GAB2: variants seen among roughly 807,000 people sequenced by gnomAD.
GAB2 encodes GRB2-associated-binding protein 2.
In GAB2, 26 loss-of-function variants were observed where a neutral mutation model predicts 65.5. That is an observed-to-expected ratio of 0.40 (90% CI 0.29 to 0.55). The LOEUF is 0.55. GAB2 is among the 20% of genes least tolerant of loss of function. The pLI, the probability that GAB2 is intolerant of heterozygous loss-of-function variation, is 0.53. For missense variants in GAB2, 884 were observed against 875.8 expected (o/e 1.01, Z -0.12); for synonymous variants, 321 against 329.6 (o/e 0.97, Z 0.28).
rs977171624 is a variant in GAB2 at position 78,342,442 on chromosome 11, C to T, written c.76-61541G>A. ...TTTTTTTTTTTGAGACGGAGTCTCG[C>T]TTTGTCGCCCAGGCTGGAGTGCAGT... On this transcript the variant is annotated intron_variant, in intron 1 of 9. Transcript: ENST00000361507. Among the ~76,000 whole-genome samples the T allele has an allele frequency of 2.9e-5, 4 of 139,520 alleles. No homozygotes were observed. In the South Asian group the frequency reaches 9.2e-4, roughly 32 times the overall value. 91.5% of individuals were successfully genotyped at this position (139,520 alleles called of 152,430 possible). A position where few individuals can be genotyped will look rare whatever the true frequency, so the allele number is the denominator to read the frequency against.
chr11:78,269,258 G>C (rs763961912), intron 2 of GAB2, among the ~76,000 whole-genome samples: 13 of 152,100 alleles, frequency 8.5e-5, no homozygotes, highest in Non-Finnish European at 1.3e-4. Flanking sequence ...TTTGCTTTTG[G>C]CTTCCAACAA....
At chr11:78,263,591 C>T (rs1362061521) in intron 2 of GAB2, among the ~76,000 whole-genome samples, 2 of 150,042 alleles carry the variant, frequency 1.3e-5, no homozygotes, top group Admixed American at 1.3e-4. Context: ...CGAGATCGCG[C>T]CACTGCACTC....
intron 1 of GAB2, among the ~76,000 whole-genome samples, chr11:78,337,611 TAGA>T (rs1483949834): frequency 5.9e-5 from 9 of 152,212 alleles, no homozygotes; most frequent in Non-Finnish European, 8.8e-5. Flanking sequence ...TCTTCCCTCA[TAGA>T]AGAAGAAAGC....
At chr11:78,391,480 C>G (rs1856833153) in intron 1 of GAB2, among the ~76,000 whole-genome samples, 1 of 152,130 alleles carries the variant, frequency 6.6e-6, no homozygotes, top group Non-Finnish European at 1.5e-5. Flanking sequence ...TAAAAAAGGC[C>G]ATGACATCTT....
chr11:78,391,879 G>C (rs1856837800), intron 1 of GAB2, among the ~76,000 whole-genome samples: 1 of 152,190 alleles, frequency 6.6e-6, no homozygotes, highest in Non-Finnish European at 1.5e-5. Context: ...CATGACCAAA[G>C]ATGTATCGTG....
intron 1 of GAB2, among the ~76,000 whole-genome samples, chr11:78,359,378 G>C (rs1024863115): frequency 6.6e-6 from 1 of 152,182 alleles, no homozygotes; most frequent in Non-Finnish European, 1.5e-5. Context: ...TAGACTATCA[G>C]CTAACTCCTG....
chr11:78,382,368 C>G (rs990525439), intron 1 of GAB2, among the ~76,000 whole-genome samples: 6 of 151,146 alleles, frequency 4.0e-5, no homozygotes, highest in African/African-American at 1.5e-4. Context: ...GAGCAATATT[C>G]TTTTTTTTAT....
chr11:78,353,729 A>G (rs111688747), intron 1 of GAB2, among the ~76,000 whole-genome samples: 3,019 of 152,332 alleles, frequency 0.02, 81 homozygotes, highest in African/African-American at 0.062. Context: ...ATGGCTAATG[A>G]CTACTGTATT....
chr11:78,334,600 T>C (rs899175196), intron 1 of GAB2, among the ~76,000 whole-genome samples: 4 of 152,266 alleles, frequency 2.6e-5, no homozygotes, highest in African/African-American at 9.6e-5. Context: ...ATTCTTTTTA[T>C]GGCTGAATAG....
At chr11:78,270,961 C>T (rs547243942) in intron 2 of GAB2, among the ~76,000 whole-genome samples, 3 of 152,336 alleles carry the variant, frequency 2.0e-5, no homozygotes, top group Non-Finnish European at 2.9e-5. Flanking sequence ...TCAAGTGCAG[C>T]TAGCTGCCTT....
chr11:78,298,815 T>C (rs1427254516), intron 1 of GAB2, among the ~76,000 whole-genome samples: 3 of 152,194 alleles, frequency 2.0e-5, no homozygotes, highest in Admixed American at 2.0e-4. Context: ...GAATATAAAT[T>C]GTTTCCTTTC....
intron 1 of GAB2, among the ~76,000 whole-genome samples, chr11:78,346,674 CATATATATATATATAT>C (rs71046967): frequency 0.016 from 863 of 54,790 alleles, 20 homozygotes; most frequent in African/African-American, 0.044. Context: ...ACATCCCCTC[CATATATATATATATAT>C]ATATATATAT....
chr11:78,382,083 G>A (rs1218074106), intron 1 of GAB2, among the ~76,000 whole-genome samples: 1 of 152,174 alleles, frequency 6.6e-6, no homozygotes, highest in Non-Finnish European at 1.5e-5. Context: ...TCTAGTCCAA[G>A]TTTTACTGAT....
intron 1 of GAB2, among the ~76,000 whole-genome samples, chr11:78,325,565 A>G (rs931599021): frequency 5.3e-5 from 8 of 152,182 alleles, no homozygotes; most frequent in African/African-American, 1.7e-4. Context: ...ATACGAACAT[A>G]CAGAGAGGTG....
chr11:78,320,838 T>C (rs1855710369), intron 1 of GAB2, among the ~76,000 whole-genome samples: 1 of 150,652 alleles, frequency 6.6e-6, no homozygotes, highest in African/African-American at 2.4e-5. Context: ...CCCAAAGTGC[T>C]GGGGTTACAG....
intron 3 of GAB2, among the ~76,000 whole-genome samples, chr11:78,231,346 T>G (rs893428671): frequency 1.9e-4 from 29 of 151,620 alleles, no homozygotes; most frequent in African/African-American, 6.1e-4. Context: ...GGTGTGTGTG[T>G]GTGTGTGTGT....
chr11:78,316,215 C>T (rs1343670085), intron 1 of GAB2, among the ~76,000 whole-genome samples: 1 of 152,062 alleles, frequency 6.6e-6, no homozygotes, highest in Non-Finnish European at 1.5e-5. Flanking sequence ...CTTTCAGACC[C>T]AAACTGAGCC....
In GAB2 at chr11:78,216,572, G is replaced by A. The variant is rs1864156646; in HGVS notation, c.*2700C>T. 1.3e-5 allele frequency: 2 copies of A among 149,420 alleles called. No homozygotes were observed. The highest frequency in any genetic ancestry group is 5.1e-5 in the African/African-American group (2 of 39,070). The allele number at this position is 149,420 out of a possible 1,614,324, so 9.3% of individuals were successfully genotyped here. ...CACTTGCACCCGAGGGATTTTGGTA[G>A]TTACCAGAATAGGGGGCTGGAAGGA... is the stretch of plus-strand genomic sequence containing the variant. On this transcript the variant is annotated 3_prime_UTR_variant, in exon 10 of 10. Transcript: ENST00000361507.
intron 2 of GAB2, among the ~76,000 whole-genome samples, chr11:78,269,373 A>C (rs537288330): frequency 6.6e-6 from 1 of 152,208 alleles, no homozygotes; most frequent in African/African-American, 2.4e-5. Flanking sequence ...GAGAAGACAG[A>C]AAGAGTAAGG....
Sources: allele counts gnomAD v4.1 joint callset (sites outside exome capture counted in the v4.1 genomes callset), GRCh38; gene constraint gnomAD v4.1.1; transcripts MANE v1.5; gene names NCBI Gene and HGNC (gene_info 2026-07-23, HGNC 2026-07-21).